Variants in ARMH1 observed in about 807,000 individuals in gnomAD.
The protein encoded by ARMH1 is armadillo like helical domain containing 1, also known as armadillo-like helical domain containing protein 1.
Under a neutral mutation model 50.2 loss-of-function variants are expected in ARMH1, and 34 were observed. That is an observed-to-expected ratio of 0.68 (90% confidence interval 0.51 to 0.90). ARMH1 has a LOEUF of 0.90. ARMH1 is among the 40% of genes least tolerant of loss of function. The pLI is 0.00. For missense variants in ARMH1, 538 were observed against 553.9 expected, an observed-to-expected ratio of 0.97 and a Z score of 0.29; for synonymous variants, 221 against 224.2, an observed-to-expected ratio of 0.99 and a Z score of 0.13.
chr1:44,720,537 G>C (rs1457795791), intron 6 of ARMH1, among the ~76,000 whole-genome samples: 1 of 152,220 alleles, frequency 6.6e-6, no homozygotes, highest in East Asian at 1.9e-4. Context: ...ATGTTCATTG[G>C]AGTTCACACA....
Position 44,724,692 on chromosome 1 carries a change from G to C in ARMH1, c.1050+24G>C, listed in dbSNP as rs1308100752. The C allele has an allele frequency of 3.4e-6, 5 of 1,480,346 alleles. No homozygotes were observed. Among genetic ancestry groups the C allele is most frequent in the Non-Finnish European group, 4.5e-6 (5 of 1,122,970 alleles). 91.7% of individuals were successfully genotyped at this position (1,480,346 alleles called of 1,614,324 possible). A position where few individuals can be genotyped will look rare whatever the true frequency, so the allele number is the denominator to read the frequency against. ...AGGTGCGCGCGGCGGCTGGTTAGGG[G>C]GCGGGAAGGGCGGCGGCACCCGCAG... On this transcript the variant is annotated intron_variant, in intron 9 of 11. Transcript: ENST00000535358. This position sits in a 1 kb window ranked among gnomAD's most constrained non-coding sequence, Gnocchi z 6.4.
At chr1:44,686,549 G>A (rs1573305962) in intron 1 of ARMH1, among the ~76,000 whole-genome samples, 1 of 152,126 alleles carries the variant, frequency 6.6e-6, no homozygotes, top group African/African-American at 2.4e-5. Context: ...GGTGGCACAT[G>A]CCTGTAATCC....
At chr1:44,694,501 CTTTTTTTCTT>C (rs1645759425) in intron 2 of ARMH1, among the ~76,000 whole-genome samples, 1 of 128,280 alleles carries the variant, frequency 7.8e-6, no homozygotes, top group African/African-American at 3.1e-5. Context: ...GAGTCTTTTT[CTTTTTTTCTT>C]TTTTTTTTTT....
At position 44,724,206 on chromosome 1, in the gene ARMH1, TCAAGGAGATCTCCAAACTGCAGGC is replaced by T; in HGVS notation, c.814_837del (p.Glu272_Lys279del). The T allele has an allele frequency of 6.4e-7, 1 of 1,551,684 alleles. No homozygotes were observed. Among genetic ancestry groups the T allele is most frequent in the Admixed American group, 2.0e-5 (1 of 50,996 alleles). ...CTCGTGGCGCTGCTGATACCGTCGG[TCAAGGAGATCTCCAAACTGCAGGC>T]CAAGATCCTCAGTGGTAAGGACCTG... On this transcript the variant is annotated inframe_deletion, in exon 7 of 12. Coordinates refer to ENST00000535358, the MANE Select transcript of ARMH1 (RefSeq NM_001145636.2). The surrounding 1 kb of genome is among the most constrained non-coding windows in gnomAD (Gnocchi z 6.4).
chr1:44,724,526 A>AC lies in ARMH1; in HGVS notation c.921-8dup, dbSNP rs1557575465. ...GCCCCAGGGCGTCGCCCCAGCCCGA[A>AC]CCCCCGGCCCAGGGTCCTGGCGCGC... On this transcript the variant is annotated splice_polypyrimidine_tract_variant and intron_variant, in intron 8 of 11. Coordinates refer to ENST00000535358, the MANE Select transcript of ARMH1 (RefSeq NM_001145636.2). The surrounding 1 kb of genome is among the most constrained non-coding windows in gnomAD (Gnocchi z 6.4). The AC allele has an allele frequency of 1.3e-6, 2 of 1,504,912 alleles. No individual in the cohort carries two copies. The highest frequency in any genetic ancestry group is 1.8e-6 in the Non-Finnish European group (2 of 1,130,598). The allele number at this position is 1,504,912 out of a possible 1,614,324, so 93.2% of individuals were successfully genotyped here.
intron 1 of ARMH1, among the ~76,000 whole-genome samples, chr1:44,685,122 G>A (rs1414647281): frequency 6.6e-6 from 1 of 152,078 alleles, no homozygotes; most frequent in African/African-American, 2.4e-5. Context: ...AGGATACAGT[G>A]ATTTAAAGAG....
At chr1:44,712,922 C>T (rs1349255027) in intron 6 of ARMH1, among the ~76,000 whole-genome samples, 1 of 152,134 alleles carries the variant, frequency 6.6e-6, no homozygotes, top group Non-Finnish European at 1.5e-5. Context: ...CCTCAGCCTC[C>T]TAAAGTGCTA....
chr1:44,702,017 A>G (rs943631162), intron 5 of ARMH1, among the ~76,000 whole-genome samples: 2 of 151,942 alleles, frequency 1.3e-5, no homozygotes, highest in African/African-American at 4.8e-5. Flanking sequence ...TGGTGGGAGG[A>G]TCGTGTGAGC....
intron 6 of ARMH1, among the ~76,000 whole-genome samples, chr1:44,710,143 C>T (rs1316606863): frequency 6.6e-6 from 1 of 152,126 alleles, no homozygotes; most frequent in East Asian, 1.9e-4. Context: ...CCCTAACTGA[C>T]CAAACCGAAC....
intron 6 of ARMH1, among the ~76,000 whole-genome samples, chr1:44,709,383 C>T (rs1159462504): frequency 6.6e-6 from 1 of 152,160 alleles, no homozygotes; most frequent in Non-Finnish European, 1.5e-5. Context: ...CCTTGTTTTC[C>T]CTATCTCAGG....
chr1:44,704,039 T>TAAA, intron 5 of ARMH1, 50 bp from the exon 6 acceptor site: 15 of 1,226,336 alleles, frequency 1.2e-5, no homozygotes, highest in Admixed American at 2.3e-5. Flanking sequence ...AATCCATCTT[T>TAAA]AAAAAAAAAA....
chr1:44,724,510 CG>C lies in ARMH1; in HGVS notation c.921-28del. On this transcript the variant is annotated intron_variant, in intron 8 of 11. Coordinates refer to ENST00000535358, the MANE Select transcript of ARMH1 (RefSeq NM_001145636.2). This position sits in a 1 kb window ranked among gnomAD's most constrained non-coding sequence, Gnocchi z 6.4. ...GGTGTGCGCCGGGTGAGCCCCAGGG[CG>C]TCGCCCCAGCCCGAACCCCCGGCCC... 1 of 1,506,042 alleles carries C rather than the reference CG, an allele frequency of 6.6e-7. No homozygotes were observed. Among genetic ancestry groups the C allele is most frequent in the South Asian group, 1.2e-5 (1 of 81,074 alleles). 93.3% of individuals were successfully genotyped at this position (1,506,042 alleles called of 1,614,324 possible).
intron 6 of ARMH1, among the ~76,000 whole-genome samples, chr1:44,716,146 T>TC (rs1491253393): frequency 1.0e-5 from 1 of 98,736 alleles, no homozygotes; most frequent in African/African-American, 3.2e-5. Context: ...TAGGTGTCAA[T>TC]TTTTTTTTTT....
rs193262605 is a variant in ARMH1, at chr1:44,696,033, G to T, written c.207-1069G>T. ...GGCCAGCCTAGCCTGAAGAAAAAGG[G>T]GAGAATGCACTGAGGAAGGAACAGG... On this transcript the variant is annotated intron_variant, in intron 2 of 11. Coordinates refer to ENST00000535358, the MANE Select transcript of ARMH1 (RefSeq NM_001145636.2). Among the ~76,000 whole-genome samples, 1,445 of 152,244 alleles carry T rather than the reference G, an allele frequency of 9.5e-3. 7 individuals are homozygous for T. The highest frequency in any genetic ancestry group is 0.016 in the Non-Finnish European group (1,103 of 68,012).
intron 6 of ARMH1, among the ~76,000 whole-genome samples, chr1:44,720,804 G>A (rs1359786220): frequency 2.0e-5 from 3 of 152,156 alleles, no homozygotes; most frequent in Non-Finnish European, 1.5e-5. Flanking sequence ...CGGAGGCCAA[G>A]GCAGGTGGAT....
At chr1:44,702,781 G>A (rs1186295838) in intron 5 of ARMH1, among the ~76,000 whole-genome samples, 1 of 151,994 alleles carries the variant, frequency 6.6e-6, no homozygotes. Context: ...GAAAAATAGG[G>A]TTGGAAAATC....
chr1:44,693,346 C>T (rs1645719935), intron 2 of ARMH1, among the ~76,000 whole-genome samples: 1 of 152,206 alleles, frequency 6.6e-6, no homozygotes, highest in Non-Finnish European at 1.5e-5. Context: ...ATATTTTCCA[C>T]TTGGCCACAG....
rs1031604156 is a variant in ARMH1 at position 44,682,234 on chromosome 1, C to A, written c.-23+7361C>A. ...TTTACCAGAGACCCTGCTAGCCACC[C>A]AAATTACAAAGATGGAGCACACTGA... On this transcript the variant is annotated intron_variant, in intron 1 of 11. Coordinates refer to ENST00000535358, the MANE Select transcript of ARMH1 (RefSeq NM_001145636.2). The surrounding 1 kb of genome is among the most constrained non-coding windows in gnomAD (Gnocchi z 4.5). Among the ~76,000 whole-genome samples the A allele has an allele frequency of 6.6e-6, 1 of 152,202 alleles. No individual in the cohort carries two copies. The highest frequency in any genetic ancestry group is 2.4e-5 in the African/African-American group (1 of 41,448).
At chr1:44,721,841 C>A (rs546155699) in intron 6 of ARMH1, 1 of 151,194 alleles carries the variant, frequency 6.6e-6, no homozygotes, top group East Asian at 1.9e-4. Context: ...AGTTGTTTTT[C>A]TCCACGGAAA....
Sources: gnomAD v4.1 joint callset for allele counts (sites outside exome capture counted in the v4.1 genomes callset) on GRCh38, gnomAD v4.1.1 for gene constraint, Gnocchi (gnomAD v3.1) non-coding constraint, MANE v1.5 for transcripts, NCBI Gene and HGNC (gene_info 2026-07-23, HGNC 2026-07-21) for gene names.